GCH1: variants seen among roughly 807,000 people sequenced by gnomAD.
The protein encoded by GCH1 is GTP cyclohydrolase I.
Under a neutral mutation model 25.9 loss-of-function variants are expected in GCH1, and 5 were observed. That is an observed-to-expected ratio of 0.19 (90% confidence interval 0.10 to 0.41). The LOEUF is 0.41. Ranked by LOEUF, GCH1 falls within the 10% of genes least tolerant of loss-of-function variation. GCH1 has a pLI of 1.00. For synonymous variants in GCH1, 159 were observed against 129.6 expected (o/e 1.23, Z -1.54); for missense variants, 261 against 336.5 (o/e 0.78, Z 1.75).
chr14:54,845,946 A>T (rs2039636559), intron 4 of GCH1, 94 bp from the exon 5 acceptor site: 2 of 800,124 alleles, frequency 2.5e-6, no homozygotes, highest in South Asian at 2.7e-5. Context: ...TAAAAATCAG[A>T]CTTCTGTGAG....
intron 1 of GCH1, among the ~76,000 whole-genome samples, chr14:54,872,444 G>A (rs1387252143): frequency 2.0e-5 from 3 of 152,106 alleles, no homozygotes; most frequent in Admixed American, 6.5e-5. Context: ...ATCAACTAAC[G>A]AGCAAAATAA....
chr14:54,884,337 G>A (rs751882995), intron 1 of GCH1, among the ~76,000 whole-genome samples: 40 of 152,158 alleles, frequency 2.6e-4, no homozygotes, highest in Admixed American at 6.6e-4. Context: ...AAAGGGAAAG[G>A]AAGAAAAGTA....
chr14:54,857,642 T>G (rs184889930), intron 3 of GCH1, among the ~76,000 whole-genome samples: 101 of 152,374 alleles, frequency 6.6e-4, no homozygotes, highest in African/African-American at 2.4e-3. Context: ...CATGCTGATT[T>G]TACTTAGACT....
Position 54,902,538 on chromosome 14 carries a change from G to A in GCH1, c.126C>T (p.Pro42=), listed in dbSNP as rs2140127497. ...CCGCGGGCTGCGCGCTCTTGGCCTC[G>A]GGCCGCGGGGGCTTCTCCGCCGGCC... ...PSRPAEKPPR[P]EAKSAQPADG... The change falls in exon 1 of 6, where the codon CCC becomes CCT. Residue 42 remains proline (P), a synonymous_variant. Coordinates refer to ENST00000491895, the MANE Select transcript of GCH1 (RefSeq NM_000161.3). 8 of 1,551,582 alleles carry A rather than the reference G, an allele frequency of 5.2e-6. No homozygotes were observed. Among genetic ancestry groups the A allele is most frequent in the Non-Finnish European group, 7.0e-6 (8 of 1,150,858 alleles).
Position 54,886,590 on chromosome 14 carries a change from T to C in GCH1, c.343+15731A>G, listed in dbSNP as rs538957473. 7.2e-5 allele frequency among the ~76,000 whole-genome samples: 11 copies of C among 152,228 alleles called. No individual in the cohort carries two copies. The South Asian group carries it at 1.7e-3, about 23-fold the overall frequency. On this transcript the variant is annotated intron_variant, in intron 1 of 5. Coordinates refer to ENST00000491895, the MANE Select transcript of GCH1 (RefSeq NM_000161.3). ...TCGCGCCACTGCACTCTAGCCTGGG[T>C]GACAGAGTGAAACTGTCTCAAAAAA...
At chr14:54,865,619 T>C (rs187130491) in intron 1 of GCH1, among the ~76,000 whole-genome samples, 183 bp from the exon 2 acceptor site, 24 of 152,300 alleles carry the variant, frequency 1.6e-4, no homozygotes, top group African/African-American at 5.5e-4. Flanking sequence ...GTAAGTAACA[T>C]TTAAAAATCC....
At position 54,902,700 on chromosome 14, in the gene GCH1, C is replaced by T. The variant is rs1260891649; in HGVS notation, c.-37G>A. On this transcript the variant is annotated 5_prime_UTR_variant, in exon 1 of 6. Transcript: ENST00000491895. The stretch of plus-strand genomic sequence containing the variant: ...AGCCGCTGCCGTTCGGGAAGGACCC[C>T]GGGGCGCTTCGAGGTCTGCGGCTAA... 16 of 1,415,448 alleles carry T rather than the reference C, an allele frequency of 1.1e-5. No homozygotes were observed. Among genetic ancestry groups the T allele is most frequent in the Non-Finnish European group, 1.1e-5 (12 of 1,090,830 alleles). The allele number at this position is 1,415,448 out of a possible 1,614,324, so 87.7% of individuals were successfully genotyped here.
At chr14:54,891,405 ATTTTTTTTT>A (rs538686624) in intron 1 of GCH1, among the ~76,000 whole-genome samples, 60 of 109,032 alleles carry the variant, frequency 5.5e-4, no homozygotes, top group African/African-American at 1.9e-3. Context: ...CATGCCTGGC[ATTTTTTTTT>A]TTTTTTTTTT....
chr14:54,867,619 T>C (rs1297045200), intron 1 of GCH1, among the ~76,000 whole-genome samples: 2 of 115,764 alleles, frequency 1.7e-5, no homozygotes, highest in African/African-American at 7.4e-5. Context: ...AAAAAAGATC[T>C]GGCTCCATCA....
At position 54,902,243 on chromosome 14, in the gene GCH1, T is replaced by A. The variant is rs966602864; in HGVS notation, c.343+78A>T. 2.9e-5 allele frequency: 44 copies of A among 1,497,786 alleles called. 1 individual carries two copies. The Admixed American group carries it at 4.4e-4, about 15-fold the overall frequency. The allele number at this position is 1,497,786 out of a possible 1,614,324, so 92.8% of individuals were successfully genotyped here. On this transcript the variant is annotated intron_variant, in intron 1 of 5. Transcript: ENST00000491895. ...CCAAAAGTGAGGCAACTCCGGAAAC[T>A]TCCTGGAGCCGGCGCGCGTTTCCTG...
chr14:54,901,987 C>G, intron 1 of GCH1, among the ~76,000 whole-genome samples: 1 of 152,234 alleles, frequency 6.6e-6, no homozygotes, highest in Admixed American at 6.5e-5. Context: ...CCCGAGAATC[C>G]CGCGCTGGGC....
chr14:54,858,065 T>C (rs1277357138), intron 3 of GCH1, among the ~76,000 whole-genome samples: 1 of 152,118 alleles, frequency 6.6e-6, no homozygotes, highest in African/African-American at 2.4e-5. Context: ...AGGAAATGAA[T>C]GAGAAAGTGG....
chr14:54,855,043 A>C (rs1449032915), intron 3 of GCH1, among the ~76,000 whole-genome samples: 1 of 152,186 alleles, frequency 6.6e-6, no homozygotes, highest in Non-Finnish European at 1.5e-5. Context: ...TCACCAGGGT[A>C]CTTTTTTACT....
At chr14:54,886,456 C>CA (rs1338799611) in intron 1 of GCH1, among the ~76,000 whole-genome samples, 2 of 151,878 alleles carry the variant, frequency 1.3e-5, no homozygotes, top group Non-Finnish European at 2.9e-5. Context: ...ACTAAAAATA[C>CA]AAAAAATTAG....
At chr14:54,860,097 G>C (rs1204533914) in intron 2 of GCH1, among the ~76,000 whole-genome samples, 1 of 152,046 alleles carries the variant, frequency 6.6e-6, no homozygotes, top group Non-Finnish European at 1.5e-5. Flanking sequence ...TATATGAAAA[G>C]TTGCCCCTCC....
Position 54,854,655 on chromosome 14 carries a change from C to T in GCH1, c.509+5026G>A, listed in dbSNP as rs1383342432. Among the ~76,000 whole-genome samples the T allele has an allele frequency of 2.6e-5, 4 of 152,188 alleles. No homozygotes were observed. The East Asian group carries it at 5.8e-4, about 22-fold the overall frequency. On this transcript the variant is annotated intron_variant, in intron 3 of 5. Transcript: ENST00000491895. ...GTAGCACCTGACCTGACTGCTTTAA[C>T]ATTCAGAGCTTGTGCAAACCAAGAA...
At position 54,842,760 on chromosome 14, in the gene GCH1, G is replaced by A. The variant is rs763425111; in HGVS notation, c.*1257C>T. The A allele has an allele frequency of 6.2e-5, 23 of 371,822 alleles. No individual in the cohort carries two copies. Among genetic ancestry groups the A allele is most frequent in the Non-Finnish European group, 9.1e-5 (19 of 209,492 alleles). The allele number at this position is 371,822 out of a possible 1,614,324, so 23.0% of individuals were successfully genotyped here. A position where few individuals can be genotyped will look rare whatever the true frequency, so the allele number is the denominator to read the frequency against. Reference sequence around the variant, plus strand: ...GTTTGTGTTTCTGTGGAGGAGTTGCGGTTTTGTTTGTTTTAATTTGGCCCA... The same window carrying A: ...GTTTGTGTTTCTGTGGAGGAGTTGCAGTTTTGTTTGTTTTAATTTGGCCCA... On this transcript the variant is annotated 3_prime_UTR_variant, in exon 6 of 6. Coordinates refer to ENST00000491895, the MANE Select transcript of GCH1 (RefSeq NM_000161.3).
chr14:54,901,361 G>A (rs773106969), intron 1 of GCH1, among the ~76,000 whole-genome samples: 1 of 150,218 alleles, frequency 6.7e-6, no homozygotes, highest in South Asian at 2.2e-4. Flanking sequence ...GAAGCCAGAA[G>A]CTTTATTTTT....
intron 1 of GCH1, among the ~76,000 whole-genome samples, chr14:54,898,261 T>C (rs117862288): frequency 0.023 from 3,467 of 152,272 alleles, 57 homozygotes; most frequent in South Asian, 0.049. Flanking sequence ...CATCTAAACA[T>C]AGAAAAGGTA....
Sources: gnomAD v4.1 joint callset for allele counts (sites outside exome capture counted in the v4.1 genomes callset) on GRCh38, gnomAD v4.1.1 for gene constraint, MANE v1.5 for transcripts, NCBI Gene and HGNC (gene_info 2026-07-23, HGNC 2026-07-21) for gene names.